The following APCDD1L variants were observed in gnomAD, a reference collection of about 807,000 sequenced individuals.
APCDD1L encodes the protein protein APCDD1-like.
A neutral mutation model predicts 24.2 loss-of-function variants in APCDD1L; 21 were observed. The ratio of observed to expected loss-of-function variants is 0.87; its 90% confidence interval spans 0.61 to 1.25. The LOEUF is 1.25. Among genes scored for constraint, APCDD1L ranks in the 50% most tolerant of loss-of-function variants. APCDD1L has a pLI of 0.00. For synonymous variants in APCDD1L, 321 were observed against 323.6 expected (o/e 0.99, Z 0.09); for missense variants, 704 against 711.7 (o/e 0.99, Z 0.12).
chr20:58,494,266 T>G lies in APCDD1L; in HGVS notation c.49+20393A>C, dbSNP rs970539755. Among the ~76,000 whole-genome samples the G allele has an allele frequency of 6.7e-5, 9 of 133,356 alleles. No homozygotes were observed. The highest frequency in any genetic ancestry group is 1.1e-4 in the Non-Finnish European group (7 of 61,088). 87.5% of individuals were successfully genotyped at this position (133,356 alleles called of 152,430 possible). A position where few individuals can be genotyped will look rare whatever the true frequency, so the allele number is the denominator to read the frequency against. ...GGTTTAAGGGTCAACTGCATTTCTT[T>G]TTTCTTTTCTTTTCTTTTCTTACTT... On this transcript the variant is annotated intron_variant, in intron 1 of 3. Transcript: ENST00000371149. This position sits in a 1 kb window ranked among gnomAD's most constrained non-coding sequence, Gnocchi z 4.8.
chr20:58,504,092 A>G (rs1327816315), intron 1 of APCDD1L, among the ~76,000 whole-genome samples: 2 of 152,244 alleles, frequency 1.3e-5, no homozygotes, highest in Non-Finnish European at 2.9e-5. Flanking sequence ...AATGGAGCCC[A>G]GGCAGGCAAA....
At chr20:58,491,771 T>C (rs1990229359) in intron 1 of APCDD1L, among the ~76,000 whole-genome samples, 1 of 152,184 alleles carries the variant, frequency 6.6e-6, no homozygotes, top group Non-Finnish European at 1.5e-5. Context: ...GTGTCAGGAA[T>C]TGAAAAATAG....
intron 1 of APCDD1L, among the ~76,000 whole-genome samples, chr20:58,511,472 C>T (rs1182376705): frequency 1.3e-5 from 2 of 152,210 alleles, no homozygotes; most frequent in Non-Finnish European, 2.9e-5. Context: ...TATTTCTTCA[C>T]GTGTAGCTTC....
At position 58,459,715 on chromosome 20, in the gene APCDD1L, C is replaced by G. The variant is rs1989559814; in HGVS notation, c.*1075G>C. 6.5e-6 allele frequency: 1 copy of G among 152,738 alleles called. No individual in the cohort carries two copies. The highest frequency in any genetic ancestry group is 2.4e-5 in the African/African-American group (1 of 41,442). The allele number at this position is 152,738 out of a possible 1,614,324, so 9.5% of individuals were successfully genotyped here. A position where few individuals can be genotyped will look rare whatever the true frequency, so the allele number is the denominator to read the frequency against. ...GGACACCAATATATTAGGATTATGGCAAGGAGGCTGGGCAAGGCGGAGCTG... is the reference window on the plus strand; with the variant it reads ...GGACACCAATATATTAGGATTATGGGAAGGAGGCTGGGCAAGGCGGAGCTG... On this transcript the variant is annotated 3_prime_UTR_variant, in exon 4 of 4. Coordinates refer to ENST00000371149, the MANE Select transcript of APCDD1L (RefSeq NM_153360.3).
At chr20:58,490,638 T>G (rs959238306) in intron 1 of APCDD1L, among the ~76,000 whole-genome samples, 6 of 152,158 alleles carry the variant, frequency 3.9e-5, no homozygotes, top group Admixed American at 6.5e-5. Context: ...AAAGAACCAG[T>G]GAAAGACAAT....
At chr20:58,476,612 A>G (rs1477339065) in intron 1 of APCDD1L, among the ~76,000 whole-genome samples, 1 of 152,264 alleles carries the variant, frequency 6.6e-6, no homozygotes, top group Non-Finnish European at 1.5e-5. Context: ...AAATAGACTC[A>G]CATCAGAGTA....
At chr20:58,488,061 A>T (rs971816533) in intron 1 of APCDD1L, among the ~76,000 whole-genome samples, 7 of 152,152 alleles carry the variant, frequency 4.6e-5, no homozygotes, top group Non-Finnish European at 4.4e-5. Context: ...GGTTTCAGTT[A>T]CCTGCAGTCA....
At chr20:58,493,902 C>T (rs1287086174) in intron 1 of APCDD1L, among the ~76,000 whole-genome samples, 1 of 152,160 alleles carries the variant, frequency 6.6e-6, no homozygotes, top group East Asian at 1.9e-4. Flanking sequence ...CTTTCAACTC[C>T]CCCAAAACCT....
At chr20:58,470,414 G>C (rs1600847853) in intron 2 of APCDD1L, among the ~76,000 whole-genome samples, 195 bp downstream of exon 2, 1 of 152,252 alleles carries the variant, frequency 6.6e-6, no homozygotes, top group Non-Finnish European at 1.5e-5. Context: ...TTTGACCATG[G>C]ACGTGATGCC....
chr20:58,498,019 G>A (rs1410944271), intron 1 of APCDD1L, among the ~76,000 whole-genome samples: 1 of 152,084 alleles, frequency 6.6e-6, no homozygotes, highest in Non-Finnish European at 1.5e-5. Context: ...GCGGTGGTGG[G>A]CTGTTTTTAA....
chr20:58,470,135 GGCTCT>G (rs1412982542), intron 2 of APCDD1L, among the ~76,000 whole-genome samples: 5 of 152,144 alleles, frequency 3.3e-5, no homozygotes, highest in African/African-American at 1.2e-4. Flanking sequence ...GCTCTTCCCT[GGCTCT>G]CTAGATGGCT....
At chr20:58,509,145 C>T (rs1328805701) in intron 1 of APCDD1L, among the ~76,000 whole-genome samples, 3 of 151,944 alleles carry the variant, frequency 2.0e-5, no homozygotes, top group African/African-American at 4.8e-5. Flanking sequence ...GGGAAGAGGG[C>T]GTGAAGGCCC....
intron 1 of APCDD1L, among the ~76,000 whole-genome samples, chr20:58,503,974 C>T (rs891413715): frequency 6.6e-6 from 1 of 152,120 alleles, no homozygotes; most frequent in Non-Finnish European, 1.5e-5. Flanking sequence ...AGCAAGCATC[C>T]CATGAGCCCA....
intron 1 of APCDD1L, among the ~76,000 whole-genome samples, chr20:58,479,046 T>C (rs1989972603): frequency 6.6e-6 from 1 of 152,102 alleles, no homozygotes; most frequent in South Asian, 2.1e-4. Context: ...GATCCTGACA[T>C]GGTCCTGCAC....
intron 1 of APCDD1L, among the ~76,000 whole-genome samples, chr20:58,477,818 C>T (rs1257545817): frequency 6.6e-6 from 1 of 152,136 alleles, no homozygotes; most frequent in Non-Finnish European, 1.5e-5. Context: ...TGGGGTCTCA[C>T]TATGTTGCCC....
chr20:58,474,677 C>T (rs115590358), intron 1 of APCDD1L, among the ~76,000 whole-genome samples: 1 of 152,232 alleles, frequency 6.6e-6, no homozygotes. Context: ...GCACTCCAGA[C>T]TGGGTGACAA....
At position 58,514,522 on chromosome 20, in the gene APCDD1L, CGCGCAGG is replaced by C. The variant is rs1181357997; in HGVS notation, c.49+130_49+136del. On this transcript the variant is annotated intron_variant, in intron 1 of 3. Coordinates refer to ENST00000371149, the MANE Select transcript of APCDD1L (RefSeq NM_153360.3). ...CCGGCCAGGTGAGACTGGAGAAAGG[CGCGCAGG>C]GCGCAGCATAGCAGCCGCGTGGGCC... The C allele has an allele frequency of 3.3e-6, 3 of 900,924 alleles. No individual in the cohort carries two copies. In the Admixed American group the frequency reaches 1.3e-4, roughly 39 times the overall value. 55.8% of individuals were successfully genotyped at this position (900,924 alleles called of 1,614,324 possible). A position where few individuals can be genotyped will look rare whatever the true frequency, so the allele number is the denominator to read the frequency against.
rs1600839929 is a variant in APCDD1L, at chr20:58,461,810, C to A, written c.742-256G>T. 5.2e-6 allele frequency: 2 copies of A among 386,490 alleles called. No individual in the cohort carries two copies. The highest frequency in any genetic ancestry group is 9.1e-6 in the Non-Finnish European group (2 of 219,026). The allele number at this position is 386,490 out of a possible 1,614,324, so 23.9% of individuals were successfully genotyped here. Reference sequence around the variant, plus strand: ...CTGCTGTCTCTTCCACCTGGAATTCCCCGCCAGCTCCTTCTTACCTCTTAG... The same window carrying A: ...CTGCTGTCTCTTCCACCTGGAATTCACCGCCAGCTCCTTCTTACCTCTTAG... On this transcript the variant is annotated intron_variant, in intron 3 of 3. Transcript: ENST00000371149. This position sits in a 1 kb window ranked among gnomAD's most constrained non-coding sequence, Gnocchi z 6.0.
At chr20:58,482,913 C>T (rs1990049916) in intron 1 of APCDD1L, among the ~76,000 whole-genome samples, 1 of 152,182 alleles carries the variant, frequency 6.6e-6, no homozygotes, top group Admixed American at 6.5e-5. Context: ...ATTTATTGAG[C>T]ACCTACTGTG....
Sources: allele counts gnomAD v4.1 joint callset (sites outside exome capture counted in the v4.1 genomes callset), GRCh38; gene constraint gnomAD v4.1.1; non-coding constraint Gnocchi (gnomAD v3.1); transcripts MANE v1.5; gene names NCBI Gene and HGNC (gene_info 2026-07-23, HGNC 2026-07-21).